The following BCKDHB variants were observed in gnomAD, a reference collection of about 807,000 sequenced individuals.
The protein encoded by BCKDHB is branched chain keto acid dehydrogenase E1 subunit beta, also known as 2-oxoisovalerate dehydrogenase subunit beta, mitochondrial.
In BCKDHB, 41 loss-of-function variants were observed where a neutral mutation model predicts 48.5. The observed-to-expected ratio is 0.85, with a 90% CI of 0.66 to 1.10. The LOEUF is 1.10. Ranked by LOEUF, BCKDHB falls within the 50% of genes least tolerant of loss-of-function variation. BCKDHB has a pLI of 0.00. For synonymous variants in BCKDHB, 201 were observed against 174.8 expected (o/e 1.15, Z -1.18); for missense variants, 496 against 494.2 (o/e 1.00, Z -0.03).
At chr6:80,258,060 T>A (rs1777133733) in intron 8 of BCKDHB, among the ~76,000 whole-genome samples, 1 of 152,184 alleles carries the variant, frequency 6.6e-6, no homozygotes, top group South Asian at 2.1e-4. Context: ...TTAAGAATTT[T>A]AATTCTGCCT....
chr6:80,414,621 G>C, the BCKDHB span, among the ~76,000 whole-genome samples: 55,719 of 151,956 alleles, frequency 0.37, 12,794 homozygotes, highest in Non-Finnish European at 0.52. Flanking sequence ...TGGCCTACAT[G>C]ACTGCTTTTA....
intron 8 of BCKDHB, among the ~76,000 whole-genome samples, chr6:80,243,224 A>G (rs1472108602): frequency 6.6e-6 from 1 of 152,164 alleles, no homozygotes; most frequent in African/African-American, 2.4e-5. Context: ...GAGCCAGCTC[A>G]TTCCCAGGCA....
chr6:80,423,213 G>A, the BCKDHB span, among the ~76,000 whole-genome samples: 63 of 152,254 alleles, frequency 4.1e-4, no homozygotes, highest in African/African-American at 1.4e-3. Flanking sequence ...GCCACCTTGC[G>A]AAGAAAGTGC....
intron 9 of BCKDHB, among the ~76,000 whole-genome samples, chr6:80,303,152 T>G (rs1767671511): frequency 6.6e-6 from 1 of 152,096 alleles, no homozygotes; most frequent in African/African-American, 2.4e-5. Flanking sequence ...GTTAGTTGGA[T>G]TTACGTAATC....
chr6:80,258,306 G>T (rs1365376323), intron 8 of BCKDHB, among the ~76,000 whole-genome samples: 1 of 152,190 alleles, frequency 6.6e-6, no homozygotes, highest in African/African-American at 2.4e-5. Context: ...GGTGCCTGAG[G>T]AGAAACGGTC....
At chr6:80,200,287 C>T (rs1378745499) in intron 6 of BCKDHB, among the ~76,000 whole-genome samples, 1 of 151,952 alleles carries the variant, frequency 6.6e-6, no homozygotes, top group Non-Finnish European at 1.5e-5. Context: ...TTTAGTTTAT[C>T]TTTTTGAGGT....
intron 8 of BCKDHB, among the ~76,000 whole-genome samples, chr6:80,234,802 G>A (rs1205452986): frequency 1.3e-5 from 2 of 149,616 alleles, no homozygotes; most frequent in African/African-American, 4.9e-5. Context: ...CTCATCAGTG[G>A]ATGAATGAAT....
At chr6:80,309,966 C>G (rs1048878959) in intron 9 of BCKDHB, among the ~76,000 whole-genome samples, 1 of 152,130 alleles carries the variant, frequency 6.6e-6, no homozygotes, top group African/African-American at 2.4e-5. Context: ...GTTTTCTGTT[C>G]CTGAAATAAT....
At chr6:80,193,622 A>G (rs1396830297) in intron 6 of BCKDHB, among the ~76,000 whole-genome samples, 1 of 151,806 alleles carries the variant, frequency 6.6e-6, no homozygotes, top group Non-Finnish European at 1.5e-5. Flanking sequence ...CAGGAGGCTG[A>G]GACAGGAGAA....
At chr6:80,226,114 G>C (rs932437172) in intron 8 of BCKDHB, among the ~76,000 whole-genome samples, 1 of 152,206 alleles carries the variant, frequency 6.6e-6, no homozygotes, top group Non-Finnish European at 1.5e-5. Flanking sequence ...ATGGCAGTGA[G>C]AGTTTTGATG....
the BCKDHB span, among the ~76,000 whole-genome samples, chr6:80,439,831 A>G: frequency 6.6e-6 from 1 of 152,236 alleles, no homozygotes; most frequent in Non-Finnish European, 1.5e-5. Flanking sequence ...TTAAGTCTGT[A>G]CTAGAAGACA....
chr6:80,410,656 T>C, the BCKDHB span, among the ~76,000 whole-genome samples: 6 of 152,320 alleles, frequency 3.9e-5, no homozygotes, highest in South Asian at 1.2e-3. Context: ...TCTACTCTTT[T>C]CTCTAATCTT....
chr6:80,292,997 CCT>C, intron 9 of BCKDHB, among the ~76,000 whole-genome samples: 1 of 152,220 alleles, frequency 6.6e-6, no homozygotes, highest in Non-Finnish European at 1.5e-5. Flanking sequence ...CAGAGCTGCC[CCT>C]GTGGCTTTGC....
the BCKDHB span, among the ~76,000 whole-genome samples, chr6:80,351,704 A>G: frequency 1.5e-5 from 2 of 134,792 alleles, no homozygotes; most frequent in African/African-American, 5.6e-5. Context: ...GTGCAGTGGT[A>G]TGATCTCGGC....
intron 3 of BCKDHB, among the ~76,000 whole-genome samples, chr6:80,159,231 G>A (rs1772197186): frequency 1.3e-5 from 2 of 151,952 alleles, no homozygotes; most frequent in Admixed American, 1.3e-4. Context: ...CATGGCACAT[G>A]TATACATATG....
chr6:80,423,057 C>T, the BCKDHB span, among the ~76,000 whole-genome samples: 1 of 151,994 alleles, frequency 6.6e-6, no homozygotes, highest in African/African-American at 2.4e-5. Flanking sequence ...AATTGTAATC[C>T]CCACATGTCG....
At chr6:80,408,383 A>C in the BCKDHB span, among the ~76,000 whole-genome samples, 1,084 of 152,222 alleles carry the variant, frequency 7.1e-3, 14 homozygotes, top group African/African-American at 0.025. Context: ...TGAGTAAGGG[A>C]GGATTCCTTC....
chr6:80,336,977 A>T (rs781743812), intron 9 of BCKDHB, among the ~76,000 whole-genome samples: 2 of 152,056 alleles, frequency 1.3e-5, no homozygotes, highest in African/African-American at 2.4e-5. Context: ...TTCAAACATG[A>T]TATGTATTGT....
the BCKDHB span, among the ~76,000 whole-genome samples, chr6:80,372,993 T>C: frequency 6.6e-6 from 1 of 152,170 alleles, no homozygotes; most frequent in Non-Finnish European, 1.5e-5. Context: ...TCCTTCTTTC[T>C]CTATCTGTGG....
Sources: allele counts gnomAD v4.1 joint callset (sites outside exome capture counted in the v4.1 genomes callset), GRCh38; gene constraint gnomAD v4.1.1; transcripts MANE v1.5; gene names NCBI Gene and HGNC (gene_info 2026-07-23, HGNC 2026-07-21).